Variants in PHKB observed in about 807,000 individuals in gnomAD.
The protein encoded by PHKB is phosphorylase kinase regulatory subunit beta.
A neutral mutation model predicts 152.1 loss-of-function variants in PHKB; 122 were observed. The ratio of observed to expected loss-of-function variants is 0.80; its 90% CI spans 0.69 to 0.93. The LOEUF (loss-of-function observed/expected upper bound fraction) is 0.93. Among genes scored for constraint, PHKB ranks in the 40% least tolerant of loss-of-function variants. The pLI is 0.00. For synonymous variants in PHKB, 436 were observed against 464.9 expected (o/e 0.94, Z 0.80); for missense variants, 1,304 against 1,328.4 (o/e 0.98, Z 0.29).
intron 25 of PHKB, 168 bp downstream of exon 25, chr16:47,665,143 T>C (rs1258539408): frequency 1.6e-6 from 1 of 627,874 alleles, no homozygotes; most frequent in Non-Finnish European, 2.9e-6. Flanking sequence ...TAATTTTCTT[T>C]TAGTCATCTA....
chr16:47,475,748 C>T (rs1969857637), intron 1 of PHKB, among the ~76,000 whole-genome samples: 1 of 152,042 alleles, frequency 6.6e-6, no homozygotes, highest in African/African-American at 2.4e-5. Context: ...AATTAAGCAG[C>T]TTTATTTGGT....
At chr16:47,514,516 T>C (rs557683387) in intron 5 of PHKB, among the ~76,000 whole-genome samples, 2 of 152,274 alleles carry the variant, frequency 1.3e-5, no homozygotes, top group Admixed American at 6.5e-5. Flanking sequence ...GAATTCACCC[T>C]TCCTCTGCCT....
At chr16:47,574,042 C>T (rs778874344) in intron 7 of PHKB, among the ~76,000 whole-genome samples, 2 of 152,198 alleles carry the variant, frequency 1.3e-5, no homozygotes, top group South Asian at 2.1e-4. Flanking sequence ...GTCTCAGCCT[C>T]CTGAGTAGCT....
At chr16:47,462,324 C>A (rs1299415022) in intron 1 of PHKB, 1 of 152,208 alleles carries the variant, frequency 6.6e-6, no homozygotes. Context: ...TAACTTTGCA[C>A]TTGCATTGAT....
In PHKB at chr16:47,672,355, C is replaced by A. The variant is rs376238789; in HGVS notation, c.2630+2938C>A. On this transcript the variant is annotated intron_variant, in intron 26 of 30. Transcript: ENST00000323584. ...TTTCAACTCCAACCTCTTGACTCCA[C>A]ATGAGGATAGAGAAATGGTTCTTTC... Among the ~76,000 whole-genome samples, 8 of 152,254 alleles carry A rather than the reference C, an allele frequency of 5.3e-5. No individual in the cohort carries two copies. In the East Asian group the frequency reaches 1.5e-3, roughly 29 times the overall value.
At chr16:47,693,989 G>A (rs1974106602) in intron 28 of PHKB, among the ~76,000 whole-genome samples, 1 of 152,194 alleles carries the variant, frequency 6.6e-6, no homozygotes. Flanking sequence ...CTCACAAACA[G>A]TAAAGCATGC....
intron 26 of PHKB, among the ~76,000 whole-genome samples, chr16:47,680,678 G>A (rs1973834340): frequency 6.6e-6 from 1 of 151,904 alleles, no homozygotes; most frequent in Non-Finnish European, 1.5e-5. Context: ...TATTAGTCTT[G>A]CTAGCGGTCT....
chr16:47,483,657 G>A (rs1230989608), intron 1 of PHKB, among the ~76,000 whole-genome samples: 1 of 152,062 alleles, frequency 6.6e-6, no homozygotes, highest in Non-Finnish European at 1.5e-5. Context: ...CCGTTTATAA[G>A]CAATAGAATA....
chr16:47,537,564 C>A (rs1403474876), intron 6 of PHKB, among the ~76,000 whole-genome samples: 1 of 152,170 alleles, frequency 6.6e-6, no homozygotes, highest in Non-Finnish European at 1.5e-5. Flanking sequence ...TGACTCCATT[C>A]TGGTTTGGTC....
chr16:47,538,421 C>G (rs1970992640), intron 6 of PHKB, among the ~76,000 whole-genome samples: 1 of 152,186 alleles, frequency 6.6e-6, no homozygotes, highest in Non-Finnish European at 1.5e-5. Flanking sequence ...GTGGGATGTA[C>G]TGTTCTACCC....
At chr16:47,636,570 G>A (rs1390191968) in intron 14 of PHKB, among the ~76,000 whole-genome samples, 2 of 152,230 alleles carry the variant, frequency 1.3e-5, no homozygotes, top group Admixed American at 6.5e-5. Flanking sequence ...CAGCAGTACG[G>A]AACAAAGTTG....
chr16:47,599,528 G>A (rs923365449), intron 13 of PHKB, among the ~76,000 whole-genome samples: 5 of 152,186 alleles, frequency 3.3e-5, no homozygotes, highest in Non-Finnish European at 2.9e-5. Context: ...TAATAAATGT[G>A]TTGAATGTAG....
At chr16:47,616,584 CAT>C (rs1377522107) in intron 14 of PHKB, among the ~76,000 whole-genome samples, 18 of 136,496 alleles carry the variant, frequency 1.3e-4, no homozygotes, top group Non-Finnish European at 2.6e-4. Flanking sequence ...ATATAAATAT[CAT>C]ATATTAATAT....
At chr16:47,684,774 C>CA (rs1177525611) in intron 26 of PHKB, among the ~76,000 whole-genome samples, 1,953 of 125,742 alleles carry the variant, frequency 0.016, 20 homozygotes, top group Non-Finnish European at 0.021. Flanking sequence ...GACTCCGTCT[C>CA]AAAAAAAAAA....
At chr16:47,629,978 A>C (rs1972794424) in intron 14 of PHKB, among the ~76,000 whole-genome samples, 1 of 151,774 alleles carries the variant, frequency 6.6e-6, no homozygotes, top group South Asian at 2.1e-4. Flanking sequence ...GAACAATGAG[A>C]ACACATGGAC....
intron 14 of PHKB, among the ~76,000 whole-genome samples, chr16:47,613,928 C>A (rs968325369): frequency 6.6e-6 from 1 of 152,082 alleles, no homozygotes; most frequent in African/African-American, 2.4e-5. Context: ...CAAGTTGTTG[C>A]ATGTATCAAC....
rs190296911 is a variant in PHKB, at chr16:47,638,864, T to A, written c.1459-2171T>A. On this transcript the variant is annotated intron_variant, in intron 14 of 30. Transcript: ENST00000323584. ...GTATATACGTGTGTGTGTGTGTTTG[T>A]CTGTAACCTATAAGCAGAAATTATT... Among the ~76,000 whole-genome samples, 18 of 152,324 alleles carry A rather than the reference T, an allele frequency of 1.2e-4. No homozygotes were observed. The East Asian group carries it at 3.5e-3, about 29-fold the overall frequency.
chr16:47,526,817 A>C (rs1970776786), intron 6 of PHKB, among the ~76,000 whole-genome samples: 1 of 152,186 alleles, frequency 6.6e-6, no homozygotes, highest in African/African-American at 2.4e-5. Flanking sequence ...GCTATAAAGA[A>C]ATACCTGAGA....
At chr16:47,462,986 G>A (rs1392014738) in intron 1 of PHKB, 3 of 152,498 alleles carry the variant, frequency 2.0e-5, no homozygotes, top group Admixed American at 6.5e-5. Flanking sequence ...AATTGTTTTT[G>A]TGTGATATAG....
Sources: gnomAD v4.1 joint callset for allele counts (sites outside exome capture counted in the v4.1 genomes callset) on GRCh38, gnomAD v4.1.1 for gene constraint, MANE v1.5 for transcripts, NCBI Gene and HGNC (gene_info 2026-07-23, HGNC 2026-07-21) for gene names.